NRP1: variants seen among roughly 807,000 people sequenced by gnomAD.
NRP1 encodes neuropilin-1.
A neutral mutation model predicts 106.7 loss-of-function variants in NRP1; 35 were observed. That is an observed-to-expected ratio of 0.33 (90% confidence interval 0.25 to 0.43). The LOEUF is 0.43. NRP1 is among the 20% of genes least tolerant of loss of function. The pLI is 1.00. For missense variants in NRP1, 1,024 were observed against 1,170.4 expected, an observed-to-expected ratio of 0.87 and a Z score of 1.83; for synonymous variants, 437 against 417.9, an observed-to-expected ratio of 1.05 and a Z score of -0.56.
chr10:33,201,835 A>G (rs2132695580), intron 11 of NRP1: 1 of 152,030 alleles, frequency 6.6e-6, no homozygotes, highest in East Asian at 1.9e-4. Context: ...TTTACTCTTT[A>G]TTCCATCTTA....
chr10:33,330,560 C>A, intron 2 of NRP1, 148 bp downstream of exon 2: 1 of 569,130 alleles, frequency 1.8e-6, no homozygotes. Context: ...ACTTCAATTT[C>A]CATACCATTG....
rs1239062626 is a variant in NRP1, at chr10:33,207,880, A to C, written c.1615-164T>G. On this transcript the variant is annotated intron_variant, in intron 9 of 16. Transcript: ENST00000374867. ...TTCATAAACGAGAAAGGAAAAAAACAATTAAAGCTTCTCTAAGAAGTGACA... is the reference window on the plus strand; with the variant it reads ...TTCATAAACGAGAAAGGAAAAAAACCATTAAAGCTTCTCTAAGAAGTGACA... Among the ~76,000 whole-genome samples, 3 of 152,164 alleles carry C rather than the reference A, an allele frequency of 2.0e-5. No individual in the cohort carries two copies. In the East Asian group the frequency reaches 5.8e-4, roughly 29 times the overall value.
intron 8 of NRP1, among the ~76,000 whole-genome samples, chr10:33,217,109 T>C (rs922810056): frequency 6.6e-6 from 1 of 152,184 alleles, no homozygotes; most frequent in African/African-American, 2.4e-5. Flanking sequence ...GCCACGGTGT[T>C]CATACCTGCC....
chr10:33,257,687 A>T (rs990697762), intron 4 of NRP1, among the ~76,000 whole-genome samples: 1 of 152,184 alleles, frequency 6.6e-6, no homozygotes, highest in Admixed American at 6.5e-5. Context: ...ACCTTTGTTG[A>T]AGTGCTTTAA....
intron 11 of NRP1, chr10:33,202,575 G>GGGA (rs1837415099): frequency 7.0e-7 from 1 of 1,425,780 alleles, no homozygotes; most frequent in Non-Finnish European, 9.3e-7. Context: ...ATTGGGGGGG[G>GGGA]GTCTGAAAAT....
At chr10:33,211,154 C>T (rs927915093) in intron 9 of NRP1, 3 of 152,140 alleles carry the variant, frequency 2.0e-5, no homozygotes, top group Non-Finnish European at 2.9e-5. Flanking sequence ...GGATTTACTA[C>T]AGAAGAGTGA....
At chr10:33,214,191 G>C (rs1838565036) in intron 8 of NRP1, among the ~76,000 whole-genome samples, 1 of 152,146 alleles carries the variant, frequency 6.6e-6, no homozygotes, top group African/African-American at 2.4e-5. Context: ...AGGTAATAGA[G>C]GACCTCCCAG....
intron 6 of NRP1, among the ~76,000 whole-genome samples, chr10:33,237,487 G>GCGCACACA (rs1554788780): frequency 3.5e-4 from 50 of 144,852 alleles, no homozygotes; most frequent in African/African-American, 1.2e-3. Context: ...ACATGCGCGC[G>GCGCACACA]CACACACACA....
chr10:33,280,535 A>G (rs1377020101), intron 2 of NRP1, among the ~76,000 whole-genome samples: 13 of 152,234 alleles, frequency 8.5e-5, no homozygotes, highest in Admixed American at 8.5e-4. Context: ...TCAGGGAAAA[A>G]AAAATACAAT....
chr10:33,288,168 T>C (rs1844719274), intron 2 of NRP1: 1 of 152,118 alleles, frequency 6.6e-6, no homozygotes, highest in Admixed American at 6.5e-5. Flanking sequence ...TATGTCCAGG[T>C]ATTGGCCACA....
chr10:33,299,735 A>G (rs1845668722), intron 2 of NRP1, among the ~76,000 whole-genome samples: 1 of 152,196 alleles, frequency 6.6e-6, no homozygotes, highest in African/African-American at 2.4e-5. Flanking sequence ...GCAGTGAGCT[A>G]TGATTGCATC....
chr10:33,266,219 T>C (rs1441575739), intron 3 of NRP1, among the ~76,000 whole-genome samples: 1 of 152,226 alleles, frequency 6.6e-6, no homozygotes, highest in Non-Finnish European at 1.5e-5. Context: ...AAGTGAATTT[T>C]GGTGCTTTCA....
chr10:33,288,020 C>A, intron 2 of NRP1, among the ~76,000 whole-genome samples: 1 of 152,200 alleles, frequency 6.6e-6, no homozygotes, highest in Middle Eastern at 3.4e-3. Context: ...CTAACCCTAA[C>A]CCAAACTTGG....
chr10:33,301,236 G>C (rs760218132), intron 2 of NRP1, among the ~76,000 whole-genome samples: 1 of 152,192 alleles, frequency 6.6e-6, no homozygotes, highest in African/African-American at 2.4e-5. Context: ...CAGCCTGTTC[G>C]CTTGGCTCCT....
chr10:33,291,268 C>A (rs1011644174), intron 2 of NRP1, among the ~76,000 whole-genome samples: 1 of 152,172 alleles, frequency 6.6e-6, no homozygotes, highest in African/African-American at 2.4e-5. Flanking sequence ...AATTAGGATC[C>A]TAGGTTTAAG....
At chr10:33,281,246 C>T (rs997705191) in intron 2 of NRP1, among the ~76,000 whole-genome samples, 1 of 152,088 alleles carries the variant, frequency 6.6e-6, no homozygotes, top group African/African-American at 2.4e-5. Flanking sequence ...GACAGGGCTT[C>T]ACCACATTGG....
chr10:33,308,153 G>A (rs985525484), intron 2 of NRP1, among the ~76,000 whole-genome samples: 3 of 152,106 alleles, frequency 2.0e-5, no homozygotes, highest in African/African-American at 7.2e-5. Flanking sequence ...TTTATAAGTG[G>A]GAGCTAAACA....
At chr10:33,228,746 A>G (rs1042712975) in intron 6 of NRP1, among the ~76,000 whole-genome samples, 4 of 152,150 alleles carry the variant, frequency 2.6e-5, no homozygotes, top group Non-Finnish European at 5.9e-5. Flanking sequence ...AATAATCTTT[A>G]TTTCATTTCC....
intron 2 of NRP1, among the ~76,000 whole-genome samples, chr10:33,325,435 G>A (rs1564491855): frequency 6.6e-6 from 1 of 151,948 alleles, no homozygotes; most frequent in Non-Finnish European, 1.5e-5. Context: ...AATAAAGAAA[G>A]ATTAAAACAG....
Sources: allele counts gnomAD v4.1 joint callset (sites outside exome capture counted in the v4.1 genomes callset), GRCh38; gene constraint gnomAD v4.1.1; transcripts MANE v1.5; gene names NCBI Gene and HGNC (gene_info 2026-07-23, HGNC 2026-07-21).